Variants in CENPP observed in about 807,000 individuals in gnomAD.
The protein encoded by CENPP is centromere protein P.
CENPP carries 24 observed loss-of-function variants against 35.6 expected under a neutral mutation model. The ratio of observed to expected loss-of-function variants is 0.67; its 90% CI spans 0.49 to 0.95. The LOEUF (loss-of-function observed/expected upper bound fraction) is 0.95. Among genes scored for constraint, CENPP ranks in the 40% least tolerant of loss-of-function variants. The pLI is 0.00. For missense variants in CENPP, 332 were observed against 345.3 expected (o/e 0.96, Z 0.31); for synonymous variants, 120 against 125.5 (o/e 0.96, Z 0.29).
intron 5 of CENPP, chr9:92,509,846 TA>T: frequency 6.5e-7 from 1 of 1,535,188 alleles, no homozygotes; most frequent in Non-Finnish European, 8.7e-7. Context: ...TCTACAGGAC[TA>T]TATAGGAAAG....
intron 5 of CENPP, among the ~76,000 whole-genome samples, chr9:92,441,880 T>C (rs1242644047): frequency 6.6e-6 from 1 of 152,168 alleles, no homozygotes; most frequent in Non-Finnish European, 1.5e-5. Flanking sequence ...GTTGGCAAGT[T>C]GAACATTTGC....
At chr9:92,457,344 T>C (rs542221018) in intron 5 of CENPP, 1 of 1,614,088 alleles carries the variant, frequency 6.2e-7, no homozygotes, top group East Asian at 2.2e-5. Flanking sequence ...CAACGAAATG[T>C]TGCAGGTTGC....
chr9:92,390,421 TTTA>T (rs1371920504), intron 5 of CENPP, among the ~76,000 whole-genome samples: 1 of 152,222 alleles, frequency 6.6e-6, no homozygotes, highest in Non-Finnish European at 1.5e-5. Flanking sequence ...TGTAATTTTT[TTTA>T]TTTTTTTGCT....
intron 4 of CENPP, among the ~76,000 whole-genome samples, chr9:92,369,463 G>C (rs1166774376): frequency 1.3e-5 from 2 of 152,070 alleles, no homozygotes; most frequent in African/African-American, 4.8e-5. Context: ...TTGGAGGTGT[G>C]GATTCTGGGT....
intron 5 of CENPP, chr9:92,417,398 G>A (rs745318639): frequency 6.2e-7 from 1 of 1,614,086 alleles, no homozygotes; most frequent in Non-Finnish European, 8.5e-7. Flanking sequence ...CTGATGAAAA[G>A]GAACTCCGTA....
rs533771509 is a variant in CENPP at position 92,401,303 on chromosome 9, A to T, written c.564+21444A>T. The T allele has an allele frequency of 2.9e-4, 164 of 566,886 alleles. 1 individual carries two copies. The highest frequency in any genetic ancestry group is 8.2e-4 in the Admixed American group (24 of 29,306). The allele number at this position is 566,886 out of a possible 1,614,324, so 35.1% of individuals were successfully genotyped here. ...ATTAGTGGCATTTCCTTTGTGCTCCATTAGGCTTTCATACATATTTCCATT... is the reference window on the plus strand; with the variant it reads ...ATTAGTGGCATTTCCTTTGTGCTCCTTTAGGCTTTCATACATATTTCCATT... On this transcript the variant is annotated intron_variant, in intron 5 of 7. Transcript: ENST00000375587.
intron 5 of CENPP, among the ~76,000 whole-genome samples, chr9:92,525,109 G>A (rs908264717): frequency 3.9e-5 from 6 of 152,120 alleles, no homozygotes; most frequent in African/African-American, 1.4e-4. Flanking sequence ...CTTGAGGCCA[G>A]GAGTTTAAGA....
intron 4 of CENPP, among the ~76,000 whole-genome samples, chr9:92,348,903 T>A (rs1456731376): frequency 1.3e-5 from 2 of 152,374 alleles, no homozygotes; most frequent in East Asian, 3.9e-4. Flanking sequence ...AAGACTGCGA[T>A]GATTGTTATC....
chr9:92,613,128 T>G lies in CENPP; in HGVS notation c.846T>G (p.Leu282=). The G allele has an allele frequency of 6.2e-7, 1 of 1,614,140 alleles. No individual in the cohort carries two copies. The highest frequency in any genetic ancestry group is 8.5e-7 in the Non-Finnish European group (1 of 1,180,032). ...CTCTGGAAAGCCTGATAAAATCGCT[T>G]TGTGCAGAGGAGAACAACTAGTTCC... ...EAALESLIKS[L]CAEENN The change falls in exon 8 of 8, where the codon CTT becomes CTG. Residue 282 remains leucine, a synonymous_variant. Transcript: ENST00000375587.
intron 5 of CENPP, among the ~76,000 whole-genome samples, chr9:92,604,104 TAGTA>T (rs927847201): frequency 8.1e-4 from 124 of 152,388 alleles, no homozygotes; most frequent in African/African-American, 2.9e-3. Flanking sequence ...CTGGATCACG[TAGTA>T]AGTGTGTTCA....
chr9:92,445,931 A>G (rs1269903425), intron 5 of CENPP, among the ~76,000 whole-genome samples: 1 of 152,140 alleles, frequency 6.6e-6, no homozygotes, highest in Non-Finnish European at 1.5e-5. Flanking sequence ...GGAAGTATAT[A>G]TGAAATGATT....
chr9:92,517,737 G>A (rs1162110781), intron 5 of CENPP: 3 of 1,614,040 alleles, frequency 1.9e-6, no homozygotes, highest in Middle Eastern at 1.6e-4. Flanking sequence ...AACTGTTTGG[G>A]GGCACCTCTG....
intron 4 of CENPP, among the ~76,000 whole-genome samples, chr9:92,370,064 A>G (rs1161427478): frequency 6.6e-6 from 1 of 152,154 alleles, no homozygotes; most frequent in East Asian, 1.9e-4. Flanking sequence ...TTCTGCATCA[A>G]TTGAGATTAT....
intron 5 of CENPP, among the ~76,000 whole-genome samples, chr9:92,555,214 A>ATTTTTT (rs34701393): frequency 1.7e-4 from 11 of 63,442 alleles, no homozygotes; most frequent in Admixed American, 2.3e-4. Context: ...TTTTTTGGAA[A>ATTTTTT]TTTTTTTTTT....
chr9:92,464,686 C>G (rs769422692), intron 5 of CENPP: 6 of 647,236 alleles, frequency 9.3e-6, no homozygotes, highest in South Asian at 7.5e-5. Flanking sequence ...ACTAAAAGTT[C>G]ATTGCTTCTT....
At chr9:92,539,812 GATAT>G (rs763729324) in intron 5 of CENPP, among the ~76,000 whole-genome samples, 1 of 152,148 alleles carries the variant, frequency 6.6e-6, no homozygotes, top group Non-Finnish European at 1.5e-5. Context: ...GTGGAGTAAT[GATAT>G]ATAAGTATCC....
chr9:92,346,435 G>A (rs1003196696), intron 4 of CENPP, among the ~76,000 whole-genome samples: 1 of 152,202 alleles, frequency 6.6e-6, no homozygotes, highest in Non-Finnish European at 1.5e-5. Flanking sequence ...TGGTGTCTGT[G>A]AGCAATTGAC....
At chr9:92,412,057 A>T (rs1319084686) in intron 5 of CENPP, among the ~76,000 whole-genome samples, 1 of 152,104 alleles carries the variant, frequency 6.6e-6, no homozygotes, top group Admixed American at 6.5e-5. Context: ...TTTTTAAAGT[A>T]TATAATTTAA....
In CENPP at chr9:92,476,300, T is replaced by C. The variant is rs1845712950; in HGVS notation, c.564+96441T>C. On this transcript the variant is annotated intron_variant, in intron 5 of 7. Transcript: ENST00000375587. This position sits in a 1 kb window ranked among gnomAD's most constrained non-coding sequence, Gnocchi z 4.1. ...GTTGCAATTTCCCAGAACCAAAAAA[T>C]CAGCTTTAACATCTCTCCATGGGCC... Among the ~76,000 whole-genome samples, 1 of 152,180 alleles carries C rather than the reference T, an allele frequency of 6.6e-6. No homozygotes were observed. The highest frequency in any genetic ancestry group is 2.4e-5 in the African/African-American group (1 of 41,460).
Sources: gnomAD v4.1 joint callset for allele counts (sites outside exome capture counted in the v4.1 genomes callset) on GRCh38, gnomAD v4.1.1 for gene constraint, Gnocchi (gnomAD v3.1) non-coding constraint, MANE v1.5 for transcripts, NCBI Gene and HGNC (gene_info 2026-07-23, HGNC 2026-07-21) for gene names.